OXSR1: variants seen among roughly 807,000 people sequenced by gnomAD.
OXSR1 encodes oxidative stress responsive kinase 1.
In OXSR1, 24 loss-of-function variants were observed where a neutral mutation model predicts 79.8. The ratio of observed to expected loss-of-function variants is 0.30; its 90% CI spans 0.22 to 0.42. The LOEUF (loss-of-function observed/expected upper bound fraction) is 0.42. Ranked by LOEUF, OXSR1 falls within the 10% of genes least tolerant of loss-of-function variation. The pLI is 1.00. For synonymous variants in OXSR1, 226 were observed against 209.2 expected, an observed-to-expected ratio of 1.08 and a Z score of -0.69; for missense variants, 430 against 618.4, an observed-to-expected ratio of 0.70 and a Z score of 3.23.
intron 3 of OXSR1, chr3:38,193,562 G>A (rs1055446886): frequency 2.4e-5 from 10 of 416,928 alleles, no homozygotes; most frequent in East Asian, 7.3e-5. Flanking sequence ...TAATTCTCTC[G>A]TCCATATCTG....
At chr3:38,227,517 G>C (rs1702713101) in intron 8 of OXSR1, among the ~76,000 whole-genome samples, 1 of 147,258 alleles carries the variant, frequency 6.8e-6, no homozygotes, top group Non-Finnish European at 1.5e-5. Flanking sequence ...AGACTGAGAA[G>C]GTTCAGTATG....
chr3:38,184,264 G>C (rs1701838732), intron 2 of OXSR1, among the ~76,000 whole-genome samples: 1 of 152,116 alleles, frequency 6.6e-6, no homozygotes, highest in African/African-American at 2.4e-5. Flanking sequence ...CGAGACAAAT[G>C]TATTTCTTTA....
rs76092187 is a variant in OXSR1, at chr3:38,225,524, G to C, written c.836+820G>C. On this transcript the variant is annotated intron_variant, in intron 8 of 17. Transcript: ENST00000311806. ...ATTTATTGTTGGAAATATTGGAAAG[G>C]GTAAGAAAAACAGGTAGCAAAATTT... is the stretch of plus-strand genomic sequence containing the variant. 2.2e-3 allele frequency among the ~76,000 whole-genome samples: 332 copies of C among 151,936 alleles called. 1 individual carries two copies. The East Asian group carries it at 0.024, about 11-fold the overall frequency.
chr3:38,209,527 G>A (rs866367794), intron 4 of OXSR1, among the ~76,000 whole-genome samples: 1 of 152,018 alleles, frequency 6.6e-6, no homozygotes, highest in Non-Finnish European at 1.5e-5. Flanking sequence ...GCCTTCCAAA[G>A]TGCTGGAATT....
At chr3:38,239,538 G>A (rs1229205894) in intron 11 of OXSR1, among the ~76,000 whole-genome samples, 1 of 152,162 alleles carries the variant, frequency 6.6e-6, no homozygotes, top group Non-Finnish European at 1.5e-5. Context: ...AATCACCTGT[G>A]AGTTATTAGT....
intron 4 of OXSR1, among the ~76,000 whole-genome samples, chr3:38,199,705 C>CT (rs1196341651): frequency 1.3e-5 from 2 of 152,160 alleles, no homozygotes; most frequent in African/African-American, 2.4e-5. Flanking sequence ...CTTTTCTAGT[C>CT]TGATTTTTTT....
rs193170303 is a variant in OXSR1 at position 38,212,098 on chromosome 3, C to G, written c.435-3998C>G. Among the ~76,000 whole-genome samples the G allele has an allele frequency of 2.6e-5, 4 of 151,774 alleles. No individual in the cohort carries two copies. In the East Asian group the frequency reaches 8.4e-4, roughly 32 times the overall value. On this transcript the variant is annotated intron_variant, in intron 4 of 17. Transcript: ENST00000311806. ...TTTATTTAATTGGTTTGGAATGAGG[C>G]CTTGGCATTGGGACTTTTAAAAGTT... is the stretch of plus-strand genomic sequence containing the variant.
rs34969268 is a variant in OXSR1, at chr3:38,254,927, C to G, written c.*2036C>G. ...CAAATAGAATTGGGCTGGGGTTTCT[C>G]CTTCTTTTCAGTTCATTGTTTGCCC... On this transcript the variant is annotated 3_prime_UTR_variant, in exon 18 of 18. Transcript: ENST00000311806. The G allele has an allele frequency of 0.024, 3,671 of 152,724 alleles. 63 individuals are homozygous for G. Among genetic ancestry groups the G allele is most frequent in the Non-Finnish European group, 0.033 (2,277 of 68,070 alleles). 9.5% of individuals were successfully genotyped at this position (152,724 alleles called of 1,614,324 possible). A position where few individuals can be genotyped will look rare whatever the true frequency, so the allele number is the denominator to read the frequency against.
intron 4 of OXSR1, among the ~76,000 whole-genome samples, chr3:38,214,976 G>T (rs1383318826): frequency 6.6e-6 from 1 of 152,176 alleles, no homozygotes; most frequent in Non-Finnish European, 1.5e-5. Flanking sequence ...TCTTTCTTGT[G>T]TAGCTTCAAG....
chr3:38,208,981 T>TGC (rs758692094), intron 4 of OXSR1, among the ~76,000 whole-genome samples: 1 of 151,340 alleles, frequency 6.6e-6, no homozygotes, highest in Non-Finnish European at 1.5e-5. Context: ...TGTGTGTGTG[T>TGC]GTGTGCGCGC....
intron 3 of OXSR1, among the ~76,000 whole-genome samples, chr3:38,191,225 ATT>A (rs1701975394): frequency 7.0e-6 from 1 of 143,764 alleles, no homozygotes; most frequent in African/African-American, 2.4e-5. Context: ...TTATCATTTA[ATT>A]TAATATAATT....
At chr3:38,209,953 A>G (rs1357334978) in intron 4 of OXSR1, among the ~76,000 whole-genome samples, 1 of 152,134 alleles carries the variant, frequency 6.6e-6, no homozygotes, top group African/African-American at 2.4e-5. Context: ...CTTGCAAGGC[A>G]GGTCTGCTCA....
At chr3:38,234,720 C>T (rs951826952) in intron 10 of OXSR1, among the ~76,000 whole-genome samples, 1 of 152,214 alleles carries the variant, frequency 6.6e-6, no homozygotes, top group East Asian at 1.9e-4. Flanking sequence ...CCAGGTGACC[C>T]AGCAGTTCTA....
intron 3 of OXSR1, among the ~76,000 whole-genome samples, chr3:38,192,198 G>C (rs1701996816): frequency 6.6e-6 from 1 of 152,114 alleles, no homozygotes; most frequent in African/African-American, 2.4e-5. Context: ...TTGATATGCA[G>C]GTTGTCCAAA....
rs756807821 is a variant in OXSR1 at position 38,198,866 on chromosome 3, A to G, written c.434+3A>G. Reference sequence around the variant, plus strand: ...CATAAAAATGGACAGATCCACAGGTATGTAAAAGACAATACTCTTGTGTTA... The same window carrying G: ...CATAAAAATGGACAGATCCACAGGTGTGTAAAAGACAATACTCTTGTGTTA... On this transcript the variant is annotated splice_donor_region_variant and intron_variant, in intron 4 of 17. Transcript: ENST00000311806. 63 of 1,611,876 alleles carry G rather than the reference A, an allele frequency of 3.9e-5. 1 individual carries two copies. In the South Asian group the frequency reaches 6.2e-4, roughly 16 times the overall value.
chr3:38,212,830 TA>T (rs760531778), intron 4 of OXSR1, among the ~76,000 whole-genome samples: 1 of 152,278 alleles, frequency 6.6e-6, no homozygotes, highest in East Asian at 1.9e-4. Context: ...TGTGGCAGAG[TA>T]AAAAAGTTCT....
At chr3:38,250,920 C>T (rs796551047) in intron 15 of OXSR1, among the ~76,000 whole-genome samples, 12 of 152,264 alleles carry the variant, frequency 7.9e-5, no homozygotes, top group African/African-American at 2.4e-4. Flanking sequence ...ATTCTGTCCT[C>T]ATCTTTTTAG....
chr3:38,197,770 G>GT (rs1559508386), intron 3 of OXSR1, among the ~76,000 whole-genome samples: 1 of 152,082 alleles, frequency 6.6e-6, no homozygotes, highest in East Asian at 1.9e-4. Flanking sequence ...TCTTGTTAAA[G>GT]TGTGTGAAGT....
chr3:38,183,324 A>T (rs1317886121), intron 2 of OXSR1, among the ~76,000 whole-genome samples: 1 of 152,224 alleles, frequency 6.6e-6, no homozygotes, highest in African/African-American at 2.4e-5. Flanking sequence ...AACATTTAAT[A>T]TGTAACCTTT....
Sources: gnomAD v4.1 joint callset for allele counts (sites outside exome capture counted in the v4.1 genomes callset) on GRCh38, gnomAD v4.1.1 for gene constraint, MANE v1.5 for transcripts, NCBI Gene and HGNC (gene_info 2026-07-23, HGNC 2026-07-21) for gene names.